SYNPR: variants seen among roughly 807,000 people sequenced by gnomAD.
SYNPR encodes the protein synaptoporin.
SYNPR carries 23 observed loss-of-function variants against 32.9 expected under a neutral mutation model. That is an observed-to-expected ratio of 0.70 (90% CI 0.50 to 0.99). SYNPR has a LOEUF of 0.99. Ranked by LOEUF, SYNPR falls within the 50% of genes least tolerant of loss-of-function variation. The pLI is 0.00. For missense variants in SYNPR, 318 were observed against 349.3 expected (o/e 0.91, Z 0.71); for synonymous variants, 146 against 135.9 (o/e 1.07, Z -0.52).
intron 5 of SYNPR, chr3:63,610,357 G>T: frequency 2.1e-6 from 1 of 476,446 alleles, no homozygotes; most frequent in Non-Finnish European, 3.8e-6. Context: ...TATAATGGCA[G>T]CAAAAAGCAG....
chr3:63,313,680 CATATATATCCATATATATATATCCATAT>C lies in SYNPR; in HGVS notation c.84+34987_84+35014del, dbSNP rs1179596394. Among the ~76,000 whole-genome samples the C allele has an allele frequency of 4.8e-3, 299 of 62,902 alleles. 10 individuals are homozygous for C. Among genetic ancestry groups the C allele is most frequent in the East Asian group, 0.013 (35 of 2,694 alleles). The allele number at this position is 62,902 out of a possible 152,430, so 41.3% of individuals were successfully genotyped here. On this transcript the variant is annotated intron_variant, in intron 2 of 5. Coordinates refer to ENST00000478300, the MANE Select transcript of SYNPR (RefSeq NM_001130003.2). The stretch of plus-strand genomic sequence containing the variant: ...AAAGGAATTAACAGAAATTAATACA[CATATATATCCATATATATATATCCATAT>C]ATATATATCCATATATATATATCCA...
intron 2 of SYNPR, among the ~76,000 whole-genome samples, chr3:63,369,825 C>G (rs1026106749): frequency 3.3e-5 from 5 of 152,288 alleles, no homozygotes; most frequent in Admixed American, 1.3e-4. Flanking sequence ...CATTTTTAGA[C>G]TCCCTTTATG....
At chr3:63,342,103 A>G (rs2107003177) in intron 2 of SYNPR, among the ~76,000 whole-genome samples, 1 of 152,296 alleles carries the variant, frequency 6.6e-6, no homozygotes, top group South Asian at 2.1e-4. Flanking sequence ...TTTTAGCACC[A>G]TTTGTTGAAA....
At chr3:63,529,499 G>C (rs1437878931) in intron 3 of SYNPR, among the ~76,000 whole-genome samples, 1 of 152,114 alleles carries the variant, frequency 6.6e-6, no homozygotes, top group Non-Finnish European at 1.5e-5. Flanking sequence ...TGAAATCACA[G>C]AGATTCTGTG....
chr3:63,309,801 G>C (rs1265111092), intron 2 of SYNPR, among the ~76,000 whole-genome samples: 1 of 151,990 alleles, frequency 6.6e-6, no homozygotes, highest in African/African-American at 2.4e-5. Flanking sequence ...TTACTCCAGA[G>C]TTCTCTCTGT....
At chr3:63,429,014 T>C (rs1699938419) in intron 2 of SYNPR, among the ~76,000 whole-genome samples, 1 of 152,180 alleles carries the variant, frequency 6.6e-6, no homozygotes, top group Non-Finnish European at 1.5e-5. Flanking sequence ...GTTCAATCAA[T>C]ATGCTACACA....
rs1420492072 is a variant in SYNPR, at chr3:63,288,052, T to A, written c.84+9310T>A. ...TTCCCTTTCTGTTTCCCATTTATTC[T>A]TGTCATTATTCTTATCTAATGTCCT... On this transcript the variant is annotated intron_variant, in intron 2 of 5. Transcript: ENST00000478300. Among the ~76,000 whole-genome samples, 3 of 152,202 alleles carry A rather than the reference T, an allele frequency of 2.0e-5. No individual in the cohort carries two copies. The East Asian group carries it at 5.8e-4, about 29-fold the overall frequency.
At chr3:63,245,741 ATGTGTGT>A in intron 1 of SYNPR, among the ~76,000 whole-genome samples, 1 of 86,992 alleles carries the variant, frequency 1.1e-5, no homozygotes, top group African/African-American at 3.4e-5. Flanking sequence ...GTGTGTGTGT[ATGTGTGT>A]GTGTGTGTGT....
At chr3:63,336,067 G>A (rs560133861) in intron 2 of SYNPR, among the ~76,000 whole-genome samples, 94 of 152,110 alleles carry the variant, frequency 6.2e-4, no homozygotes, top group African/African-American at 1.4e-3. Context: ...TCATTTAGCA[G>A]AAAATAGAAA....
chr3:63,256,963 G>A (rs909766453), intron 2 of SYNPR, among the ~76,000 whole-genome samples: 3 of 152,140 alleles, frequency 2.0e-5, no homozygotes, highest in Non-Finnish European at 4.4e-5. Context: ...GGAAGAAAGG[G>A]TATCAGTGAT....
At chr3:63,526,393 C>G (rs1327210405) in intron 3 of SYNPR, among the ~76,000 whole-genome samples, 1 of 152,200 alleles carries the variant, frequency 6.6e-6, no homozygotes, top group Non-Finnish European at 1.5e-5. Context: ...TTGTTTTCCT[C>G]TTACAGCATA....
chr3:63,368,630 A>T (rs1168416246), intron 2 of SYNPR, among the ~76,000 whole-genome samples: 2 of 152,184 alleles, frequency 1.3e-5, no homozygotes, highest in Admixed American at 1.3e-4. Context: ...GGAATAACAA[A>T]GAGTTCTGTG....
Position 63,380,649 on chromosome 3 carries a change from C to T in SYNPR, c.85-100183C>T, listed in dbSNP as rs1575617176. On this transcript the variant is annotated intron_variant, in intron 2 of 5. Transcript: ENST00000478300. ...CCTGATGAACACTGATGCAAAAATT[C>T]TCAATAAAATACTGGCAAACCGAAT... 2.0e-5 allele frequency among the ~76,000 whole-genome samples: 3 copies of T among 151,998 alleles called. No homozygotes were observed. In the South Asian group the frequency reaches 6.3e-4, roughly 32 times the overall value.
chr3:63,516,416 G>C (rs1424358706), intron 3 of SYNPR, among the ~76,000 whole-genome samples: 1 of 152,048 alleles, frequency 6.6e-6, no homozygotes, highest in African/African-American at 2.4e-5. Flanking sequence ...GTTGTTTCAG[G>C]ATCAAGTACT....
At chr3:63,550,452 G>A (rs1360846707) in intron 3 of SYNPR, among the ~76,000 whole-genome samples, 1 of 151,514 alleles carries the variant, frequency 6.6e-6, no homozygotes, top group Non-Finnish European at 1.5e-5. Flanking sequence ...TAAATATCCA[G>A]CTATACATCA....
intron 2 of SYNPR, among the ~76,000 whole-genome samples, chr3:63,324,428 G>A (rs1487531162): frequency 6.6e-6 from 1 of 152,124 alleles, no homozygotes; most frequent in Non-Finnish European, 1.5e-5. Context: ...GAAAGTTTGT[G>A]AGCTGGGAGG....
intron 2 of SYNPR, among the ~76,000 whole-genome samples, chr3:63,310,511 G>A (rs1339431249): frequency 6.6e-6 from 1 of 152,012 alleles, no homozygotes; most frequent in East Asian, 1.9e-4. Flanking sequence ...TTTCAGGTCT[G>A]CTTTCACCTG....
chr3:63,280,211 T>C (rs908182238), intron 2 of SYNPR, among the ~76,000 whole-genome samples: 1 of 152,190 alleles, frequency 6.6e-6, no homozygotes, highest in Non-Finnish European at 1.5e-5. Flanking sequence ...ACCAATACTG[T>C]GGCAACATGA....
chr3:63,453,759 C>T (rs1445764786), intron 2 of SYNPR, among the ~76,000 whole-genome samples: 2 of 152,008 alleles, frequency 1.3e-5, no homozygotes, highest in Admixed American at 6.6e-5. Flanking sequence ...TCCGTTTTCT[C>T]GTCTGTTAAA....
Sources: allele counts gnomAD v4.1 joint callset (sites outside exome capture counted in the v4.1 genomes callset), GRCh38; gene constraint gnomAD v4.1.1; transcripts MANE v1.5; gene names NCBI Gene and HGNC (gene_info 2026-07-23, HGNC 2026-07-21).